The following MTUS2 variants were observed in gnomAD, a reference collection of about 807,000 sequenced individuals.
MTUS2 encodes the protein microtubule associated scaffold protein 2, also known as microtubule-associated tumor suppressor candidate 2.
In MTUS2, 40 loss-of-function variants were observed where a neutral mutation model predicts 114.1. The ratio of observed to expected loss-of-function variants is 0.35; its 90% CI spans 0.27 to 0.46. MTUS2 has a LOEUF of 0.46. Ranked by LOEUF, MTUS2 falls within the 20% of genes least tolerant of loss-of-function variation. MTUS2 has a pLI of 1.00. For synonymous variants in MTUS2, 688 were observed against 672.0 expected (o/e 1.02, Z -0.37); for missense variants, 1,679 against 1,705.4 (o/e 0.98, Z 0.27).
chr13:29,110,001 C>A (rs532203238), intron 5 of MTUS2, among the ~76,000 whole-genome samples: 78 of 152,312 alleles, frequency 5.1e-4, no homozygotes, highest in Non-Finnish European at 9.4e-4. Flanking sequence ...ATTTTCATGG[C>A]AATCTCTTTC....
At chr13:29,332,772 C>G (rs1301469453) in intron 7 of MTUS2, among the ~76,000 whole-genome samples, 8 of 150,654 alleles carry the variant, frequency 5.3e-5, no homozygotes, top group African/African-American at 2.0e-4. Context: ...GTAGCTGGGA[C>G]TACAGGCGCC....
At chr13:29,198,865 G>A (rs967750015) in intron 5 of MTUS2, among the ~76,000 whole-genome samples, 9 of 152,028 alleles carry the variant, frequency 5.9e-5, no homozygotes, top group Non-Finnish European at 2.9e-5. Flanking sequence ...TTGGCTCTCT[G>A]TTTGTCTATT....
At chr13:29,002,441 A>G (rs1190085961) in intron 2 of MTUS2, among the ~76,000 whole-genome samples, 3 of 152,202 alleles carry the variant, frequency 2.0e-5, no homozygotes, top group Non-Finnish European at 2.9e-5. Flanking sequence ...TATGCTTTTC[A>G]ATTTATACAG....
chr13:29,302,587 C>T (rs1374299246), intron 6 of MTUS2, among the ~76,000 whole-genome samples: 2 of 152,186 alleles, frequency 1.3e-5, no homozygotes, highest in South Asian at 2.1e-4. Context: ...TTCCATGGCA[C>T]CTCACAACTT....
chr13:29,158,988 C>G (rs1892985706), intron 5 of MTUS2, among the ~76,000 whole-genome samples: 1 of 152,130 alleles, frequency 6.6e-6, no homozygotes, highest in Non-Finnish European at 1.5e-5. Context: ...GCTTAAATGA[C>G]CTCTAAGAGC....
chr13:28,821,099 G>T (rs1358505255), intron 1 of MTUS2, among the ~76,000 whole-genome samples: 1 of 151,850 alleles, frequency 6.6e-6, no homozygotes, highest in Admixed American at 6.5e-5. Context: ...AACACGGAAA[G>T]AAGTACTCTT....
intron 4 of MTUS2, among the ~76,000 whole-genome samples, chr13:29,068,235 A>G (rs1215985352): frequency 6.6e-6 from 1 of 152,232 alleles, no homozygotes; most frequent in African/African-American, 2.4e-5. Context: ...CCATTTCTAC[A>G]TATTATTGAA....
chr13:28,921,958 A>G (rs1371664924), intron 2 of MTUS2, among the ~76,000 whole-genome samples: 3 of 152,120 alleles, frequency 2.0e-5, no homozygotes, highest in African/African-American at 7.2e-5. Context: ...TCAGTAGGGC[A>G]TGTGATGTGG....
At chr13:29,352,757 G>A (rs2138191134) in intron 7 of MTUS2, among the ~76,000 whole-genome samples, 1 of 152,244 alleles carries the variant, frequency 6.6e-6, no homozygotes, top group South Asian at 2.1e-4. Flanking sequence ...ATTAGTTGGT[G>A]GACATTTTGG....
intron 1 of MTUS2, among the ~76,000 whole-genome samples, chr13:28,824,710 G>A (rs768922320): frequency 8.6e-5 from 13 of 150,556 alleles, no homozygotes; most frequent in Non-Finnish European, 1.5e-4. Flanking sequence ...AAAAGTTTGA[G>A]TGTCTCCATA....
At chr13:29,427,488 G>C (rs1876636233) in intron 8 of MTUS2, among the ~76,000 whole-genome samples, 1 of 152,164 alleles carries the variant, frequency 6.6e-6, no homozygotes, top group Non-Finnish European at 1.5e-5. Context: ...GCAAATGTTG[G>C]GTCAAGGTGT....
chr13:29,463,613 G>A (rs1029166729), intron 9 of MTUS2, among the ~76,000 whole-genome samples: 2 of 152,128 alleles, frequency 1.3e-5, no homozygotes, highest in Middle Eastern at 6.8e-3. Flanking sequence ...AGCCACCGAA[G>A]ACCAGAGGTA....
At chr13:28,846,883 C>A (rs1297418712) in intron 2 of MTUS2, among the ~76,000 whole-genome samples, 1 of 152,210 alleles carries the variant, frequency 6.6e-6, no homozygotes, top group Non-Finnish European at 1.5e-5. Context: ...TGTGAACAGA[C>A]ATTATTTCCT....
chr13:29,100,202 G>A (rs1409726024), intron 4 of MTUS2, among the ~76,000 whole-genome samples: 9 of 152,172 alleles, frequency 5.9e-5, no homozygotes, highest in Admixed American at 5.2e-4. Flanking sequence ...TACACAGCTC[G>A]TCATTGGGAG....
intron 6 of MTUS2, among the ~76,000 whole-genome samples, chr13:29,288,973 T>C (rs1898597961): frequency 1.3e-5 from 2 of 152,222 alleles, no homozygotes; most frequent in Non-Finnish European, 2.9e-5. Context: ...GGATTGACTT[T>C]GCATATGCAA....
chr13:29,034,317 T>G (rs1442934112), intron 4 of MTUS2, among the ~76,000 whole-genome samples, 192 bp downstream of exon 4: 7 of 152,230 alleles, frequency 4.6e-5, no homozygotes, highest in Admixed American at 1.3e-4. Context: ...TCATGTCACC[T>G]TTAAACTGAT....
rs1291436254 is a variant in MTUS2, at chr13:29,383,246, G to GTATATATATATATATATTTATTTA, written c.3117+23774_3117+23775insATATATATATATATATTTATTTAT. ...TGTGTGTGTGTGTGTGTGTGTGTGT[G>GTATATATATATATATATTTATTTA]TGTGTGTATTTATTTTTCTCATGCA... On this transcript the variant is annotated intron_variant, in intron 8 of 15. Transcript: ENST00000612955. 7.9e-3 allele frequency among the ~76,000 whole-genome samples: 438 copies of GTATATATATATATATATTTATTTA among 55,238 alleles called. 5 individuals carry two copies. The highest frequency in any genetic ancestry group is 0.013 in the Non-Finnish European group (266 of 20,536). The allele number at this position is 55,238 out of a possible 152,430, so 36.2% of individuals were successfully genotyped here.
chr13:29,372,858 G>C (rs760955316), intron 8 of MTUS2, among the ~76,000 whole-genome samples: 1 of 152,160 alleles, frequency 6.6e-6, no homozygotes, highest in Non-Finnish European at 1.5e-5. Context: ...GGGTAAGAGG[G>C]AGGAAGCACA....
chr13:29,503,424 ATAGT>A lies in MTUS2; in HGVS notation c.*222_*225del, dbSNP rs765114362. On this transcript the variant is annotated 3_prime_UTR_variant, in exon 16 of 16. Transcript: ENST00000612955. Reference sequence around the variant, plus strand: ...AAGTCTGATGTGCAAACGTTTTACCATAGTTAGAGCCAAAAGAAAGACACTTGCA... The same window carrying A: ...AAGTCTGATGTGCAAACGTTTTACCATAGAGCCAAAAGAAAGACACTTGCA... 4.5e-5 allele frequency: 27 copies of A among 597,554 alleles called. No homozygotes were observed. The highest frequency in any genetic ancestry group is 1.8e-4 in the Admixed American group (6 of 33,808). 37.0% of individuals were successfully genotyped at this position (597,554 alleles called of 1,614,324 possible).
Sources: allele counts gnomAD v4.1 joint callset (sites outside exome capture counted in the v4.1 genomes callset), GRCh38; gene constraint gnomAD v4.1.1; transcripts MANE v1.5; gene names NCBI Gene and HGNC (gene_info 2026-07-23, HGNC 2026-07-21).